The following TXNDC11 variants were observed in gnomAD, a reference collection of about 807,000 sequenced individuals.
TXNDC11 encodes thioredoxin domain containing 11, also known as thioredoxin domain-containing protein 11.
A neutral mutation model predicts 78.0 loss-of-function variants in TXNDC11; 68 were observed. The ratio of observed to expected loss-of-function variants is 0.87; its 90% CI spans 0.72 to 1.07. The LOEUF is 1.07. Among genes scored for constraint, TXNDC11 ranks in the 50% least tolerant of loss-of-function variants. The pLI is 0.00. For missense variants in TXNDC11, 1,389 were observed against 1,221.8 expected, an observed-to-expected ratio of 1.14 and a Z score of -2.04; for synonymous variants, 571 against 495.2, an observed-to-expected ratio of 1.15 and a Z score of -2.03.
chr16:11,684,284 C>A, intron 10 of TXNDC11, 39 bp from the exon 11 acceptor site: 1 of 1,450,882 alleles, frequency 6.9e-7, no homozygotes, highest in Non-Finnish European at 9.6e-7. Context: ...GATGATCAGC[C>A]CAAGAAACAC....
intron 11 of TXNDC11, among the ~76,000 whole-genome samples, chr16:11,683,862 G>A (rs903721023): frequency 5.4e-5 from 8 of 149,240 alleles, no homozygotes; most frequent in East Asian, 3.9e-4. Context: ...AGAGATTCTC[G>A]TGCCTCAGCC....
At chr16:11,726,960 C>T (rs752479513) in intron 4 of TXNDC11, among the ~76,000 whole-genome samples, 10 of 151,814 alleles carry the variant, frequency 6.6e-5, no homozygotes, top group Non-Finnish European at 1.0e-4. Context: ...GGCTGAGGCA[C>T]GAGAATCACC....
intron 3 of TXNDC11, among the ~76,000 whole-genome samples, chr16:11,732,923 A>G (rs1326167094): frequency 1.3e-5 from 2 of 152,200 alleles, no homozygotes; most frequent in African/African-American, 4.8e-5. Flanking sequence ...TACTTTCAAC[A>G]AACTTCAAGC....
intron 4 of TXNDC11, among the ~76,000 whole-genome samples, chr16:11,726,014 A>T (rs1185490189): frequency 2.6e-5 from 4 of 152,076 alleles, no homozygotes; most frequent in African/African-American, 9.7e-5. Flanking sequence ...TAGAGCTGGG[A>T]CTACAGGCAT....
At chr16:11,730,288 A>G (rs2052008488) in intron 4 of TXNDC11, among the ~76,000 whole-genome samples, 1 of 152,230 alleles carries the variant, frequency 6.6e-6, no homozygotes, top group African/African-American at 2.4e-5. Context: ...CAGGTATCTC[A>G]TAGTACAATG....
At position 11,679,837 on chromosome 16, in the gene TXNDC11, T is replaced by C. The variant is rs1430150798; in HGVS notation, c.2235A>G (p.Arg745=). The change falls in exon 12 of 12, where the codon AGA becomes AGG. Residue 745 remains arginine, a splice_region_variant and synonymous_variant. Transcript: ENST00000283033. This position sits in a 1 kb window ranked among gnomAD's most constrained non-coding sequence, Gnocchi z 4.6. The part of the protein sequence containing the change: ...LPTVLFFPCN[R]KDLSVKYPED... ...CGGGGTATTTCACACTTAGGTCCTT[T>C]CTGGAGAGAGAGGGAAAGGAAGCAA... 6 of 1,604,770 alleles carry C rather than the reference T, an allele frequency of 3.7e-6. No homozygotes were observed. The highest frequency in any genetic ancestry group is 5.1e-6 in the Non-Finnish European group (6 of 1,173,148).
At chr16:11,717,612 G>C (rs1444484298) in intron 5 of TXNDC11, among the ~76,000 whole-genome samples, 1 of 151,824 alleles carries the variant, frequency 6.6e-6, no homozygotes, top group East Asian at 1.9e-4. Flanking sequence ...ATGAGGTCAG[G>C]AGTTCAAGAA....
At chr16:11,735,331 A>T (rs2052188262) in intron 2 of TXNDC11, among the ~76,000 whole-genome samples, 1 of 152,218 alleles carries the variant, frequency 6.6e-6, no homozygotes, top group Non-Finnish European at 1.5e-5. Flanking sequence ...GCACTTACAT[A>T]CTAAAATATA....
intron 4 of TXNDC11, among the ~76,000 whole-genome samples, chr16:11,725,392 C>A (rs58729584): frequency 0.068 from 10,306 of 151,316 alleles, 475 homozygotes; most frequent in South Asian, 0.18. Flanking sequence ...AATTAAGGAG[C>A]CAACATCGTC....
At chr16:11,738,014 TAGTG>T (rs767695334) in intron 1 of TXNDC11, among the ~76,000 whole-genome samples, 2 of 152,004 alleles carry the variant, frequency 1.3e-5, no homozygotes, top group African/African-American at 2.4e-5. Context: ...ACTATGTAAA[TAGTG>T]AGCATAAGAA....
intron 5 of TXNDC11, among the ~76,000 whole-genome samples, chr16:11,718,626 G>A (rs1336430898): frequency 1.3e-5 from 2 of 152,080 alleles, no homozygotes. Context: ...ATTTACTTTA[G>A]GGAATCCTTC....
intron 1 of TXNDC11, among the ~76,000 whole-genome samples, chr16:11,737,779 T>C (rs953656718): frequency 3.4e-5 from 5 of 149,014 alleles, no homozygotes; most frequent in East Asian, 2.0e-4. Context: ...GGCAGGAGAA[T>C]TGTGTAGGTT....
chr16:11,718,940 A>T (rs1261965371), intron 5 of TXNDC11, among the ~76,000 whole-genome samples: 2 of 152,172 alleles, frequency 1.3e-5, no homozygotes, highest in Non-Finnish European at 2.9e-5. Flanking sequence ...ATCCCTTTCA[A>T]CCTTATTTTA....
chr16:11,726,999 G>A (rs1034729895), intron 4 of TXNDC11, among the ~76,000 whole-genome samples: 11 of 152,130 alleles, frequency 7.2e-5, no homozygotes, highest in Non-Finnish European at 2.9e-5. Context: ...GTTGCGGTGA[G>A]ACGAGATTGC....
Position 11,688,377 on chromosome 16 carries a change from C to G in TXNDC11, c.1969G>C (p.Ala657Pro). 3.7e-6 allele frequency: 6 copies of G among 1,613,996 alleles called. No homozygotes were observed. The highest frequency in any genetic ancestry group is 4.2e-6 in the Non-Finnish European group (5 of 1,179,858). ...LKRHLIGSGS[A>P]QFPSQHLITE... The stretch of plus-strand genomic sequence containing the variant: ...ATTAAATGCTGAGACGGGAACTGGG[C>G]AGAGCCACTTCCAATGAGATGCCTT... Residue 657 changes from alanine (A) to proline (P), a missense_variant, in exon 9 of 12, where the codon GCC becomes CCC. Transcript: ENST00000283033.
intron 5 of TXNDC11, among the ~76,000 whole-genome samples, chr16:11,718,130 A>C (rs893080001): frequency 1.3e-5 from 2 of 152,168 alleles, no homozygotes; most frequent in Non-Finnish European, 2.9e-5. Flanking sequence ...GGCCAGGAAT[A>C]AGCTCTCCTC....
intron 6 of TXNDC11, 94 bp from the exon 7 acceptor site, chr16:11,698,419 G>T: frequency 8.8e-7 from 1 of 1,130,126 alleles, no homozygotes; most frequent in Non-Finnish European, 1.3e-6. Flanking sequence ...ACCACTAAGG[G>T]TGAGAAAACC....
At chr16:11,727,195 A>T (rs1297065476) in intron 4 of TXNDC11, among the ~76,000 whole-genome samples, 2 of 151,820 alleles carry the variant, frequency 1.3e-5, no homozygotes, top group African/African-American at 4.8e-5. Context: ...TAATTAATCA[A>T]TTTTTTTTCT....
intron 8 of TXNDC11, 80 bp from the exon 9 acceptor site, chr16:11,688,525 T>C: frequency 1.6e-6 from 2 of 1,228,340 alleles, no homozygotes; most frequent in South Asian, 3.1e-5. Flanking sequence ...CTCCACATTT[T>C]AAAAACTCAA....
Sources: allele counts gnomAD v4.1 joint callset (sites outside exome capture counted in the v4.1 genomes callset), GRCh38; gene constraint gnomAD v4.1.1; non-coding constraint Gnocchi (gnomAD v3.1); transcripts MANE v1.5; gene names NCBI Gene and HGNC (gene_info 2026-07-23, HGNC 2026-07-21).